The following SLC9A7 variants were observed in gnomAD, a reference collection of about 807,000 sequenced individuals.
SLC9A7 encodes sodium/hydrogen exchanger 7.
In SLC9A7, 19 loss-of-function variants were observed where a neutral mutation model predicts 52.6. The ratio of observed to expected loss-of-function variants is 0.36; its 90% confidence interval spans 0.25 to 0.53. The LOEUF (loss-of-function observed/expected upper bound fraction) is 0.53, where lower values mean the gene tolerates loss of function less well. Ranked by LOEUF, SLC9A7 falls within the 20% of genes least tolerant of loss-of-function variation. The probability of loss-of-function intolerance (pLI) is 0.91; values close to 1 mark genes in which losing one functional copy is unlikely to be tolerated. For synonymous variants in SLC9A7, 226 were observed against 252.1 expected (o/e 0.90, Z 0.98); for missense variants, 455 against 597.9 (o/e 0.76, Z 2.49).
chrX:46,675,481 G>T (rs942283799), intron 3 of SLC9A7, among the ~76,000 whole-genome samples: 2 of 111,717 alleles, frequency 1.8e-5, no homozygotes, highest in Admixed American at 9.5e-5. Flanking sequence ...ATATTATGAT[G>T]TGTATGTACT....
chrX:46,662,434 C>T (rs1943839916), intron 6 of SLC9A7, 104 bp downstream of exon 6: 1 of 600,712 alleles, frequency 1.7e-6, no homozygotes, highest in Non-Finnish European at 2.6e-6. Context: ...TTTAGAAAAA[C>T]ACCCAATTCA....
intron 1 of SLC9A7, among the ~76,000 whole-genome samples, chrX:46,707,912 G>A (rs1353878302): frequency 8.9e-6 from 1 of 111,851 alleles, no homozygotes; most frequent in African/African-American, 3.2e-5. Flanking sequence ...GCTAATCCTT[G>A]TATTTTTAGT....
intron 14 of SLC9A7, among the ~76,000 whole-genome samples, chrX:46,622,971 A>G (rs1029029285): frequency 5.3e-5 from 6 of 112,357 alleles, no homozygotes; most frequent in African/African-American, 1.9e-4. Context: ...AATTCAGGAC[A>G]AATCAAAGGT....
rs1313698933 is a variant in SLC9A7, at chrX:46,653,625, T to C, written c.1131A>G (p.Glu377=). Residue 377 remains glutamate (E), a synonymous_variant, in exon 8 of 17, where the codon GAA becomes GAG. Coordinates refer to ENST00000616978, the MANE Select transcript of SLC9A7 (RefSeq NM_001257291.2). ...LMSWSTFLLA[E]ACGFTGVVAV... ...AAAACCTACCTGTAAATCCGCAGGC[T>C]TCTGCCAAGAGAAACGTGCTCCAGG... 7.5e-6 allele frequency: 9 copies of C among 1,206,960 alleles called. No homozygotes were observed. The highest frequency in any genetic ancestry group is 9.0e-6 in the Non-Finnish European group (8 of 893,184).
In SLC9A7 at chrX:46,675,326, A is replaced by G. The variant is rs1241366828; in HGVS notation, c.604-2699T>C. On this transcript the variant is annotated intron_variant, in intron 3 of 16. Transcript: ENST00000616978. ...TGTTATACCATCCGTTAAATGGTGAAGTATTTATTACACATTTCACTGACA... is the reference window on the plus strand; with the variant it reads ...TGTTATACCATCCGTTAAATGGTGAGGTATTTATTACACATTTCACTGACA... 1.9e-4 allele frequency among the ~76,000 whole-genome samples: 21 copies of G among 111,752 alleles called. No homozygotes were observed. In the Admixed American group the frequency reaches 2.0e-3, roughly 11 times the overall value.
chrX:46,713,416 G>A lies in SLC9A7; in HGVS notation c.326-30881C>T, dbSNP rs745325648. ...CTTGGGAGGCTGAGCCAGAAGAATCGCTTGAACCCGGGAGGTGGAGGTTGC... is the reference window on the plus strand; with the variant it reads ...CTTGGGAGGCTGAGCCAGAAGAATCACTTGAACCCGGGAGGTGGAGGTTGC... On this transcript the variant is annotated intron_variant, in intron 1 of 16. Transcript: ENST00000616978. Among the ~76,000 whole-genome samples, 3 of 109,518 alleles carry A rather than the reference G, an allele frequency of 2.7e-5. No homozygotes were observed. In the South Asian group the frequency reaches 1.2e-3, roughly 43 times the overall value.
At chrX:46,651,041 T>C (rs1172862749) in intron 10 of SLC9A7, 69 bp downstream of exon 10, 4 of 475,960 alleles carry the variant, frequency 8.4e-6, no homozygotes, top group Non-Finnish European at 1.4e-5. Flanking sequence ...ATTATGACTA[T>C]TATTACTATA....
At chrX:46,718,369 T>C (rs1455119619) in intron 1 of SLC9A7, among the ~76,000 whole-genome samples, 1 of 111,893 alleles carries the variant, frequency 8.9e-6, no homozygotes, top group Non-Finnish European at 1.9e-5. Context: ...GGCAATACCA[T>C]TCAGGACACA....
chrX:46,710,491 C>T (rs1285938548), intron 1 of SLC9A7, among the ~76,000 whole-genome samples: 1 of 111,335 alleles, frequency 9.0e-6, no homozygotes, highest in Non-Finnish European at 1.9e-5. Context: ...ACCAGATGAG[C>T]TGTTTGTATG....
chrX:46,657,620 C>A (rs1205737856), intron 7 of SLC9A7, among the ~76,000 whole-genome samples: 2 of 108,491 alleles, frequency 1.8e-5, no homozygotes, highest in Admixed American at 9.9e-5. Context: ...TCAAAAGAGA[C>A]AAAGAAGGCC....
chrX:46,736,118 C>T (rs1366383519), intron 1 of SLC9A7, among the ~76,000 whole-genome samples: 1 of 111,714 alleles, frequency 9.0e-6, no homozygotes, highest in Non-Finnish European at 1.9e-5. Context: ...TCCCAAGATT[C>T]CAATTATGTG....
In SLC9A7 at chrX:46,661,523, G is replaced by T. The variant is rs147567106; in HGVS notation, c.1041+493C>A. On this transcript the variant is annotated intron_variant, in intron 7 of 16. Coordinates refer to ENST00000616978, the MANE Select transcript of SLC9A7 (RefSeq NM_001257291.2). ...CAGGACTCACCACATCTGTGGAAGG[G>T]ATGCCTGCTCTTTCCACACTGTTTT... 1.8e-3 allele frequency among the ~76,000 whole-genome samples: 204 copies of T among 111,842 alleles called. 3 individuals are homozygous for T. In the South Asian group the frequency reaches 0.038, roughly 21 times the overall value.
intron 5 of SLC9A7, among the ~76,000 whole-genome samples, chrX:46,665,930 C>T (rs1161240806): frequency 1.8e-5 from 2 of 111,172 alleles, no homozygotes; most frequent in Non-Finnish European, 3.8e-5. Context: ...TGACACATGA[C>T]CACAGAGTGG....
chrX:46,662,271 G>A (rs778949153), intron 6 of SLC9A7, 114 bp from the exon 7 acceptor site: 1 of 743,490 alleles, frequency 1.3e-6, no homozygotes, highest in Non-Finnish European at 1.9e-6. Context: ...ATTGGCCAGG[G>A]TAAATTCATT....
At chrX:46,667,572 C>T (rs1276501566) in intron 5 of SLC9A7, among the ~76,000 whole-genome samples, 1 of 111,876 alleles carries the variant, frequency 8.9e-6, no homozygotes, top group East Asian at 2.8e-4. Context: ...CATGTGGCTA[C>T]TGGTTACCAC....
rs148571020 is a variant in SLC9A7 at position 46,694,331 on chromosome X, G to C, written c.326-11796C>G. On this transcript the variant is annotated intron_variant, in intron 1 of 16. Transcript: ENST00000616978. ...AAAGACATTATTAAGAAAATGACGA[G>C]GAAAAAACTGCAGACACATATTTGA... Among the ~76,000 whole-genome samples the C allele has an allele frequency of 6.6e-3, 719 of 109,756 alleles. 6 individuals carry two copies. Among genetic ancestry groups the C allele is most frequent in the African/African-American group, 0.023 (691 of 30,198 alleles).
At chrX:46,745,020 T>C (rs760364769) in intron 1 of SLC9A7, among the ~76,000 whole-genome samples, 4 of 108,744 alleles carry the variant, frequency 3.7e-5, no homozygotes, top group South Asian at 3.9e-4. Context: ...CACAGAAACA[T>C]TGAAAAACAA....
At chrX:46,733,361 A>G (rs767210949) in intron 1 of SLC9A7, among the ~76,000 whole-genome samples, 23 of 112,265 alleles carry the variant, frequency 2.0e-4, no homozygotes, top group African/African-American at 7.1e-4. Context: ...TACAAGAAAT[A>G]CTAAAGGAAG....
At chrX:46,637,642 C>T (rs892843982) in intron 12 of SLC9A7, among the ~76,000 whole-genome samples, 15 of 111,786 alleles carry the variant, frequency 1.3e-4, no homozygotes, top group African/African-American at 4.9e-4. Context: ...TCCTAGAAGA[C>T]GGCCACCATG....
Sources: allele counts gnomAD v4.1 joint callset (sites outside exome capture counted in the v4.1 genomes callset), GRCh38; gene constraint gnomAD v4.1.1; transcripts MANE v1.5; gene names NCBI Gene and HGNC (gene_info 2026-07-23, HGNC 2026-07-21).